Variants in GRM3 observed in about 807,000 individuals in gnomAD.
GRM3 encodes metabotropic glutamate receptor 3.
A neutral mutation model predicts 70.5 loss-of-function variants in GRM3; 26 were observed. The observed-to-expected ratio is 0.37, with a 90% CI of 0.27 to 0.51. The LOEUF (loss-of-function observed/expected upper bound fraction) is 0.51. Ranked by LOEUF, GRM3 falls within the 20% of genes least tolerant of loss-of-function variation. The pLI is 0.93. For missense variants in GRM3, 859 were observed against 1,123.8 expected (o/e 0.76, Z 3.37); for synonymous variants, 443 against 434.9 (o/e 1.02, Z -0.23).
At chr7:86,780,862 T>C (rs1797035770) in intron 2 of GRM3, among the ~76,000 whole-genome samples, 1 of 152,202 alleles carries the variant, frequency 6.6e-6, no homozygotes, top group African/African-American at 2.4e-5. Context: ...TGATTGGTCA[T>C]GATCCTCAAA....
In GRM3 at chr7:86,756,367, C is replaced by T. The variant is rs148916893; in HGVS notation, c.-140-8639C>T. 3.3e-3 allele frequency among the ~76,000 whole-genome samples: 510 copies of T among 152,278 alleles called. 4 individuals carry two copies. The highest frequency in any genetic ancestry group is 0.011 in the African/African-American group (476 of 41,568). ...GTGCTGGGATTACAGACATGAGCCACGGTGCCTGGCCCTCCTCTAGCATTT... is the reference window on the plus strand; with the variant it reads ...GTGCTGGGATTACAGACATGAGCCATGGTGCCTGGCCCTCCTCTAGCATTT... On this transcript the variant is annotated intron_variant, in intron 1 of 5. Coordinates refer to ENST00000361669, the MANE Select transcript of GRM3 (RefSeq NM_000840.3).
chr7:86,804,918 C>T (rs762041934), intron 3 of GRM3, among the ~76,000 whole-genome samples: 4 of 152,116 alleles, frequency 2.6e-5, no homozygotes, highest in Non-Finnish European at 5.9e-5. Flanking sequence ...TCAAGACCAG[C>T]CTAGGTAATA....
chr7:86,741,020 A>G (rs1284123712), intron 1 of GRM3, among the ~76,000 whole-genome samples: 1 of 152,198 alleles, frequency 6.6e-6, no homozygotes, highest in East Asian at 1.9e-4. Flanking sequence ...CAGTCAGGCA[A>G]AGAGAAAACC....
At chr7:86,715,489 C>T (rs1795292944) in intron 1 of GRM3, among the ~76,000 whole-genome samples, 1 of 151,852 alleles carries the variant, frequency 6.6e-6, no homozygotes, top group Non-Finnish European at 1.5e-5. Flanking sequence ...AAGTAGATGC[C>T]CAGTAAATGC....
chr7:86,668,737 C>T (rs1021512287), intron 1 of GRM3, among the ~76,000 whole-genome samples: 1 of 152,106 alleles, frequency 6.6e-6, no homozygotes, highest in Admixed American at 6.6e-5. Context: ...GAGGAAGAGG[C>T]TCATTCCCAC....
intron 1 of GRM3, among the ~76,000 whole-genome samples, chr7:86,739,747 G>A (rs1423772540): frequency 2.6e-5 from 4 of 152,210 alleles, no homozygotes; most frequent in Admixed American, 2.6e-4. Context: ...CAAACTGAAT[G>A]CACCTTTTGG....
At chr7:86,787,378 A>G (rs1797282225) in intron 3 of GRM3, among the ~76,000 whole-genome samples, 1 of 152,206 alleles carries the variant, frequency 6.6e-6, no homozygotes, top group African/African-American at 2.4e-5. Context: ...AGCTCCCTAG[A>G]TTAGGGCCAG....
At chr7:86,773,216 T>C (rs915743402) in intron 2 of GRM3, among the ~76,000 whole-genome samples, 4 of 152,026 alleles carry the variant, frequency 2.6e-5, no homozygotes, top group Non-Finnish European at 5.9e-5. Flanking sequence ...GTGTACCTAG[T>C]AATATGGGGA....
intron 3 of GRM3, among the ~76,000 whole-genome samples, chr7:86,794,228 T>A (rs1797494210): frequency 6.6e-6 from 1 of 152,184 alleles, no homozygotes; most frequent in South Asian, 2.1e-4. Flanking sequence ...AACATAGTTT[T>A]TTCCACTTCT....
chr7:86,759,987 C>G (rs1301505242), intron 1 of GRM3, among the ~76,000 whole-genome samples: 1 of 152,140 alleles, frequency 6.6e-6, no homozygotes, highest in East Asian at 1.9e-4. Context: ...ATAATACTGA[C>G]AGCTGAAAAA....
intron 2 of GRM3, among the ~76,000 whole-genome samples, chr7:86,771,981 C>G (rs1261487585): frequency 4.6e-5 from 7 of 152,098 alleles, no homozygotes; most frequent in African/African-American, 1.7e-4. Flanking sequence ...GCAAATCCTA[C>G]TTTCCTTCAG....
At chr7:86,737,244 G>A (rs975209277) in intron 1 of GRM3, among the ~76,000 whole-genome samples, 2 of 152,276 alleles carry the variant, frequency 1.3e-5, no homozygotes, top group East Asian at 3.9e-4. Context: ...TGCTTTCTAA[G>A]GGCCAAAACC....
chr7:86,825,925 T>A (rs1339951124), intron 3 of GRM3, among the ~76,000 whole-genome samples: 1 of 152,194 alleles, frequency 6.6e-6, no homozygotes. Flanking sequence ...CATATCACAT[T>A]TCACTCTTCT....
In GRM3 at chr7:86,729,967, C is replaced by T. The variant is rs564115615; in HGVS notation, c.-140-35039C>T. ...CTAAAATTACAAAAAATTAGCCGGG[C>T]GTGGTGGCAGGTGCCTGTAATCCCA... On this transcript the variant is annotated intron_variant, in intron 1 of 5. Coordinates refer to ENST00000361669, the MANE Select transcript of GRM3 (RefSeq NM_000840.3). Among the ~76,000 whole-genome samples, 59 of 151,776 alleles carry T rather than the reference C, an allele frequency of 3.9e-4. 1 individual carries two copies. The highest frequency in any genetic ancestry group is 1.0e-4 in the Non-Finnish European group (7 of 67,932).
At chr7:86,779,550 T>C (rs1035917833) in intron 2 of GRM3, among the ~76,000 whole-genome samples, 5 of 152,220 alleles carry the variant, frequency 3.3e-5, no homozygotes, top group African/African-American at 1.2e-4. Flanking sequence ...CTGTGAGGCA[T>C]TGAGAATTCA....
chr7:86,745,578 T>C (rs1200908923), intron 1 of GRM3, among the ~76,000 whole-genome samples: 1 of 152,086 alleles, frequency 6.6e-6, no homozygotes, highest in Non-Finnish European at 1.5e-5. Flanking sequence ...TACAACATAA[T>C]GTGAATGACT....
chr7:86,708,725 C>T (rs1402482359), intron 1 of GRM3, among the ~76,000 whole-genome samples: 1 of 152,166 alleles, frequency 6.6e-6, no homozygotes, highest in South Asian at 2.1e-4. Flanking sequence ...AAATCAGTTT[C>T]AAAGTAATGA....
chr7:86,840,906 G>T (rs1387668655), intron 4 of GRM3, among the ~76,000 whole-genome samples: 1 of 152,066 alleles, frequency 6.6e-6, no homozygotes, highest in African/African-American at 2.4e-5. Flanking sequence ...AGCCCAAAAA[G>T]AAGACAGAGT....
intron 2 of GRM3, chr7:86,784,707 C>T (rs1424268028): frequency 6.6e-6 from 1 of 152,228 alleles, no homozygotes; most frequent in East Asian, 1.9e-4. Flanking sequence ...CCTTCATCCA[C>T]CCATTCACCT....
Sources: gnomAD v4.1 joint callset for allele counts (sites outside exome capture counted in the v4.1 genomes callset) on GRCh38, gnomAD v4.1.1 for gene constraint, MANE v1.5 for transcripts, NCBI Gene and HGNC (gene_info 2026-07-23, HGNC 2026-07-21) for gene names.